The following ANGPT1 variants were observed in gnomAD, a reference collection of about 807,000 sequenced individuals.
The protein encoded by ANGPT1 is angiopoietin 1.
Under a neutral mutation model 62.2 loss-of-function variants are expected in ANGPT1, and 17 were observed. The observed-to-expected ratio is 0.27, with a 90% confidence interval of 0.19 to 0.41. ANGPT1 has a LOEUF of 0.41. Among genes scored for constraint, ANGPT1 ranks in the 10% least tolerant of loss-of-function variants. The pLI is 1.00. For missense variants in ANGPT1, 478 were observed against 594.9 expected (o/e 0.80, Z 2.04); for synonymous variants, 199 against 198.9 (o/e 1.00, Z 0.00).
At chr8:107,373,533 G>A (rs1816459912) in intron 1 of ANGPT1, among the ~76,000 whole-genome samples, 1 of 152,182 alleles carries the variant, frequency 6.6e-6, no homozygotes, top group African/African-American at 2.4e-5. Flanking sequence ...TTGAAGGAGT[G>A]AAATGATGTA....
At chr8:107,442,524 C>G (rs1343747972) in intron 1 of ANGPT1, among the ~76,000 whole-genome samples, 1 of 152,078 alleles carries the variant, frequency 6.6e-6, no homozygotes, top group Non-Finnish European at 1.5e-5. Flanking sequence ...AGTAAGCAAA[C>G]CAAGTCCCTT....
chr8:107,495,352 C>A (rs1007056211), intron 1 of ANGPT1, among the ~76,000 whole-genome samples: 1 of 152,102 alleles, frequency 6.6e-6, no homozygotes, highest in African/African-American at 2.4e-5. Flanking sequence ...TGGCTATAAT[C>A]TGAAAGCTAT....
chr8:107,495,839 T>C (rs532802238), intron 1 of ANGPT1, among the ~76,000 whole-genome samples: 17 of 152,254 alleles, frequency 1.1e-4, no homozygotes, highest in South Asian at 6.2e-4. Flanking sequence ...AACCTGAGAG[T>C]TCTGTTTGCT....
At chr8:107,421,028 A>C (rs1810882978) in intron 1 of ANGPT1, among the ~76,000 whole-genome samples, 1 of 152,152 alleles carries the variant, frequency 6.6e-6, no homozygotes, top group South Asian at 2.1e-4. Context: ...CTACCAGAAT[A>C]ATTCTTCTAT....
intron 6 of ANGPT1, among the ~76,000 whole-genome samples, chr8:107,292,819 T>C (rs1354648515): frequency 2.0e-5 from 3 of 152,206 alleles, no homozygotes; most frequent in African/African-American, 4.8e-5. Flanking sequence ...AAATCAACCA[T>C]AGTTTTTACA....
At chr8:107,368,248 G>C (rs1248605483) in intron 1 of ANGPT1, among the ~76,000 whole-genome samples, 1 of 152,148 alleles carries the variant, frequency 6.6e-6, no homozygotes, top group African/African-American at 2.4e-5. Context: ...GTCACCAGGT[G>C]CATTGTCAAT....
At chr8:107,275,542 A>C (rs1245515690) in intron 7 of ANGPT1, among the ~76,000 whole-genome samples, 1 of 152,162 alleles carries the variant, frequency 6.6e-6, no homozygotes, top group Non-Finnish European at 1.5e-5. Context: ...ATTGTAAGTG[A>C]ACTGACTGTG....
intron 7 of ANGPT1, among the ~76,000 whole-genome samples, chr8:107,267,381 G>GTATAGGTA (rs1247262212): frequency 3.9e-5 from 6 of 152,052 alleles, no homozygotes; most frequent in African/African-American, 1.4e-4. Context: ...GCTGGTATAG[G>GTATAGGTA]TATAGGTATA....
chr8:107,285,393 CA>C (rs1814115238), intron 6 of ANGPT1, among the ~76,000 whole-genome samples: 1 of 151,834 alleles, frequency 6.6e-6, no homozygotes, highest in African/African-American at 2.4e-5. Flanking sequence ...ACTTTTGCAC[CA>C]AACTAATAGA....
At chr8:107,323,966 A>C (rs966440836) in intron 3 of ANGPT1, among the ~76,000 whole-genome samples, 1 of 151,674 alleles carries the variant, frequency 6.6e-6, no homozygotes, top group African/African-American at 2.4e-5. Context: ...TTTTTAGTAG[A>C]GATGGGGTTT....
At chr8:107,441,117 A>G (rs144639342) in intron 1 of ANGPT1, among the ~76,000 whole-genome samples, 3 of 152,326 alleles carry the variant, frequency 2.0e-5, no homozygotes, top group African/African-American at 7.2e-5. Flanking sequence ...TCATTAAGCT[A>G]TGAGTTTTGG....
intron 8 of ANGPT1, among the ~76,000 whole-genome samples, chr8:107,255,471 C>T (rs900675191): frequency 4.6e-5 from 7 of 152,026 alleles, no homozygotes; most frequent in African/African-American, 9.7e-5. Context: ...TGGAGAGCGC[C>T]GGAGCAGAAG....
chr8:107,466,784 C>T (rs982936807), intron 1 of ANGPT1, among the ~76,000 whole-genome samples: 1 of 151,850 alleles, frequency 6.6e-6, no homozygotes, highest in Non-Finnish European at 1.5e-5. Flanking sequence ...TGGTGGCAGT[C>T]GCCTATAATC....
intron 1 of ANGPT1, among the ~76,000 whole-genome samples, chr8:107,421,762 G>T (rs1810901560): frequency 6.6e-6 from 1 of 152,198 alleles, no homozygotes; most frequent in Admixed American, 6.5e-5. Context: ...AGATAGGAAG[G>T]AAGTTAGTTT....
At chr8:107,339,266 C>T (rs1815643638) in intron 2 of ANGPT1, among the ~76,000 whole-genome samples, 1 of 152,186 alleles carries the variant, frequency 6.6e-6, no homozygotes, top group African/African-American at 2.4e-5. Flanking sequence ...TCCTTTGCAA[C>T]ATGCTAATGG....
chr8:107,430,752 C>A (rs1350075627), intron 1 of ANGPT1, among the ~76,000 whole-genome samples: 1 of 152,128 alleles, frequency 6.6e-6, no homozygotes, highest in Non-Finnish European at 1.5e-5. Context: ...CCGAAAAAGA[C>A]AAAGAAATCT....
At chr8:107,284,088 G>A (rs1338530387) in intron 7 of ANGPT1, 2 of 152,160 alleles carry the variant, frequency 1.3e-5, no homozygotes, top group Non-Finnish European at 2.9e-5. Flanking sequence ...GTATCATTAA[G>A]TGTATAGTTT....
chr8:107,409,468 C>G (rs1053736140), intron 1 of ANGPT1, among the ~76,000 whole-genome samples: 2 of 152,154 alleles, frequency 1.3e-5, no homozygotes, highest in Non-Finnish European at 2.9e-5. Flanking sequence ...AGGACCCAGG[C>G]TCAGTGGCTC....
rs949918863 is a variant in ANGPT1, at chr8:107,250,687, T to C, written c.*1168A>G. ...AACATGCTATGTACAATGATATTTA[T>C]AATTATTTTATTTTTTATAGACTTC... On this transcript the variant is annotated 3_prime_UTR_variant, in exon 9 of 9. Transcript: ENST00000517746. 4 of 152,130 alleles carry C rather than the reference T, an allele frequency of 2.6e-5. No homozygotes were observed. Among genetic ancestry groups the C allele is most frequent in the African/African-American group, 9.6e-5 (4 of 41,454 alleles). 9.4% of individuals were successfully genotyped at this position (152,130 alleles called of 1,614,324 possible).
Sources: allele counts gnomAD v4.1 joint callset (sites outside exome capture counted in the v4.1 genomes callset), GRCh38; gene constraint gnomAD v4.1.1; transcripts MANE v1.5; gene names NCBI Gene and HGNC (gene_info 2026-07-23, HGNC 2026-07-21).